Variants in BPIFC observed in about 807,000 individuals in gnomAD.
BPIFC encodes the protein BPI fold-containing family C protein.
BPIFC carries 60 observed loss-of-function variants against 57.6 expected under a neutral mutation model. The observed-to-expected ratio is 1.04, with a 90% confidence interval of 0.85 to 1.29. The LOEUF is 1.29. BPIFC is among the 50% of genes most tolerant of loss of function. The probability of loss-of-function intolerance (pLI) is 0.00; values close to 1 mark genes in which losing one functional copy is unlikely to be tolerated. For synonymous variants in BPIFC, 243 were observed against 224.5 expected (o/e 1.08, Z -0.74); for missense variants, 581 against 600.5 (o/e 0.97, Z 0.34).
At chr22:32,437,003 A>G (rs1434384674) in intron 9 of BPIFC, among the ~76,000 whole-genome samples, 5 of 152,228 alleles carry the variant, frequency 3.3e-5, no homozygotes, top group Non-Finnish European at 5.9e-5. Context: ...TTTTTCCATG[A>G]TCAGTGAACA....
At chr22:32,442,777 A>T (rs1306211930) in intron 7 of BPIFC, 46 bp from the exon 8 acceptor site, 10 of 1,573,244 alleles carry the variant, frequency 6.4e-6, no homozygotes, top group Non-Finnish European at 8.7e-6. Context: ...ACCATGTTGT[A>T]CTGGAAAGCC....
At position 32,435,880 on chromosome 22, in the gene BPIFC, C is replaced by T. The variant is rs370694318; in HGVS notation, c.748G>A (p.Gly250Ser). 6.2e-7 allele frequency: 1 copy of T among 1,608,286 alleles called. No homozygotes were observed. The highest frequency in any genetic ancestry group is 1.7e-5 in the Admixed American group (1 of 58,328). Residue 250 changes from glycine (G) to serine (S), a missense_variant and splice_region_variant, in exon 10 of 17, where the codon GGT becomes AGT. Gly to Ser is a moderately conservative substitution (Grantham distance 56). Coordinates refer to ENST00000300399, the MANE Select transcript of BPIFC (RefSeq NM_174932.3). The stretch of plus-strand genomic sequence containing the variant: ...AGGTTTTCCAGTGGGTAGAATACAC[C>T]CTGTGGGAAAAGAGAGAGAAAGACC... ...TENYLDLNLK[G>S]VFYPLENLTD...
chr22:32,459,532 G>A (rs1935114084), intron 2 of BPIFC, among the ~76,000 whole-genome samples: 1 of 152,066 alleles, frequency 6.6e-6, no homozygotes. Context: ...GTGTGGTGGC[G>A]GGCGCTTGTA....
chr22:32,434,134 C>G (rs917977697), intron 10 of BPIFC, among the ~76,000 whole-genome samples: 55 of 148,274 alleles, frequency 3.7e-4, no homozygotes, highest in Non-Finnish European at 6.4e-4. Context: ...TATATTACAA[C>G]CTATCTATGT....
chr22:32,440,303 T>TA (rs60994618), intron 8 of BPIFC, among the ~76,000 whole-genome samples: 3 of 151,658 alleles, frequency 2.0e-5, no homozygotes, highest in African/African-American at 2.4e-5. Flanking sequence ...CCTGGCTAAT[T>TA]AAAAAAAAAT....
intron 3 of BPIFC, among the ~76,000 whole-genome samples, chr22:32,456,175 C>A (rs529415067): frequency 6.6e-6 from 1 of 152,328 alleles, no homozygotes; most frequent in East Asian, 1.9e-4. Context: ...ATATCTGTTT[C>A]TGATATGTAT....
At chr22:32,419,631 C>T (rs541736574) in intron 13 of BPIFC, among the ~76,000 whole-genome samples, 1 of 151,914 alleles carries the variant, frequency 6.6e-6, no homozygotes, top group Admixed American at 6.6e-5. Flanking sequence ...TGGTGAAACC[C>T]TGACTCTACT....
intron 4 of BPIFC, among the ~76,000 whole-genome samples, chr22:32,452,514 C>T (rs1300542483): frequency 1.3e-5 from 2 of 151,996 alleles, no homozygotes; most frequent in Non-Finnish European, 2.9e-5. Flanking sequence ...TGGCGGGTGC[C>T]TGTAGTCCCA....
intron 15 of BPIFC, 29 bp downstream of exon 15, chr22:32,417,056 A>T (rs770249117): frequency 6.5e-7 from 1 of 1,529,692 alleles, no homozygotes. Flanking sequence ...CCGATGTTAC[A>T]GTCACATTGT....
intron 5 of BPIFC, among the ~76,000 whole-genome samples, chr22:32,447,003 C>A (rs1281859072): frequency 1.3e-5 from 2 of 152,192 alleles, no homozygotes; most frequent in Non-Finnish European, 2.9e-5. Context: ...TGATCATATG[C>A]TCTGCCTTTA....
intron 13 of BPIFC, among the ~76,000 whole-genome samples, chr22:32,425,074 G>A (rs553517144): frequency 6.6e-6 from 1 of 152,012 alleles, no homozygotes; most frequent in African/African-American, 2.4e-5. Flanking sequence ...GAGCCACCAC[G>A]CCTGGCCTTG....
At position 32,437,984 on chromosome 22, in the gene BPIFC, A is replaced by C. The variant is rs1028504163; in HGVS notation, c.656-133T>G. On this transcript the variant is annotated intron_variant, in intron 8 of 16. Transcript: ENST00000300399. Reference sequence around the variant, plus strand: ...AGATCAATTCCTGCTTTTCAGAAGTAATACATGTTATCTTTTGAAAACCCA... The same window carrying C: ...AGATCAATTCCTGCTTTTCAGAAGTCATACATGTTATCTTTTGAAAACCCA... The C allele has an allele frequency of 1.9e-5, 11 of 564,154 alleles. No homozygotes were observed. In the African/African-American group the frequency reaches 2.1e-4, roughly 11 times the overall value. The allele number at this position is 564,154 out of a possible 1,614,324, so 34.9% of individuals were successfully genotyped here. A position where few individuals can be genotyped will look rare whatever the true frequency, so the allele number is the denominator to read the frequency against.
intron 3 of BPIFC, among the ~76,000 whole-genome samples, chr22:32,454,399 G>T (rs2145963822): frequency 6.6e-6 from 1 of 152,270 alleles, no homozygotes; most frequent in East Asian, 1.9e-4. Context: ...TGACCAGATT[G>T]TCAAAGGATC....
chr22:32,424,625 CTCCTCT>C (rs1246678458), intron 13 of BPIFC, among the ~76,000 whole-genome samples: 1 of 56,928 alleles, frequency 1.8e-5, no homozygotes, highest in South Asian at 4.4e-4. Context: ...CCTCCTCCTC[CTCCTCT>C]TCTTCTTCTT....
At chr22:32,450,326 G>A (rs1004819385) in intron 4 of BPIFC, among the ~76,000 whole-genome samples, 4 of 152,102 alleles carry the variant, frequency 2.6e-5, no homozygotes, top group African/African-American at 9.7e-5. Context: ...ATGTCATATA[G>A]CCTAGGTATG....
At chr22:32,431,520 G>T in intron 12 of BPIFC, 106 bp from the exon 13 acceptor site, 1 of 744,934 alleles carries the variant, frequency 1.3e-6, no homozygotes, top group Non-Finnish European at 2.2e-6. Context: ...TTCCCCCTTA[G>T]TGTAAAGACA....
At chr22:32,445,607 T>A (rs1247881385) in intron 7 of BPIFC, 28 bp downstream of exon 7, 13 of 1,559,290 alleles carry the variant, frequency 8.3e-6, no homozygotes, top group Non-Finnish European at 1.1e-5. Context: ...GGCATTTTAC[T>A]GTGGTTGCCT....
At chr22:32,452,200 C>A (rs1474874913) in intron 4 of BPIFC, among the ~76,000 whole-genome samples, 2 of 152,178 alleles carry the variant, frequency 1.3e-5, no homozygotes, top group Non-Finnish European at 2.9e-5. Context: ...CTGAGCCCAG[C>A]CTAATATCCC....
Position 32,457,308 on chromosome 22 carries a change from A to G in BPIFC, c.79T>C (p.Tyr27His). 6.2e-7 allele frequency: 1 copy of G among 1,609,460 alleles called. No individual in the cohort carries two copies. The highest frequency in any genetic ancestry group is 2.2e-5 in the East Asian group (1 of 44,796). Residue 27 changes from tyrosine to histidine, a missense_variant, in exon 3 of 17, where the codon TAC becomes CAC. Tyr to His is a moderately conservative substitution (Grantham distance 83). Transcript: ENST00000300399. ...GTAATCCTTGCCTTGATTCCAGGGT[A>G]AATGGTCTGAGAGGATGAGACATAG... ...NLYVSSSQTIYPGIKARITQR... is the reference protein window; with the variant it reads ...NLYVSSSQTIHPGIKARITQR...
Sources: gnomAD v4.1 joint callset for allele counts (sites outside exome capture counted in the v4.1 genomes callset) on GRCh38, gnomAD v4.1.1 for gene constraint, MANE v1.5 for transcripts, NCBI Gene and HGNC (gene_info 2026-07-23, HGNC 2026-07-21) for gene names.